DSN1: variants seen among roughly 807,000 people sequenced by gnomAD.
The protein encoded by DSN1 is kinetochore-associated protein DSN1 homolog.
DSN1 carries 31 observed loss-of-function variants against 45.7 expected under a neutral mutation model. The ratio of observed to expected loss-of-function variants is 0.68; its 90% CI spans 0.51 to 0.92. The LOEUF is 0.92. Among genes scored for constraint, DSN1 ranks in the 40% least tolerant of loss-of-function variants. DSN1 has a pLI of 0.00. For missense variants in DSN1, 394 were observed against 414.2 expected (o/e 0.95, Z 0.42); for synonymous variants, 134 against 142.3 (o/e 0.94, Z 0.41).
chr20:36,761,626 T>G (rs1986986865), intron 6 of DSN1, among the ~76,000 whole-genome samples: 1 of 152,066 alleles, frequency 6.6e-6, no homozygotes, highest in South Asian at 2.1e-4. Context: ...TTTGGGAGGC[T>G]GAGGCAGGCA....
chr20:36,754,705 C>T, intron 10 of DSN1, 58 bp downstream of exon 10: 2 of 1,486,374 alleles, frequency 1.3e-6, no homozygotes, highest in Non-Finnish European at 1.9e-6. Flanking sequence ...CAGTTTGTAT[C>T]CCAAAGGCTA....
In DSN1 at chr20:36,771,182, C is replaced by T. The variant is rs1393111962; in HGVS notation, c.46G>A (p.Val16Met). Residue 16 changes from valine (V) to methionine (M), a missense_variant, in exon 3 of 11, where the codon GTG (valine) becomes ATG (methionine). Coordinates refer to ENST00000373750, the MANE Select transcript of DSN1 (RefSeq NM_001145315.2). ...RSEIIDEKGP[V>M]MSKTHDHQLE... ...TGATGATCATGAGTCTTAGACATCA[C>T]TGGTCCTTTTTCTAGTATTTGTTAT... is the stretch of plus-strand genomic sequence containing the variant. 1 of 1,597,056 alleles carries T rather than the reference C, an allele frequency of 6.3e-7. No individual in the cohort carries two copies. The highest frequency in any genetic ancestry group is 1.1e-5 in the South Asian group (1 of 88,586).
At position 36,771,435 on chromosome 20, in the gene DSN1, C is replaced by T; in HGVS notation, c.24G>A (p.Glu8=). Residue 8 remains glutamate, a synonymous_variant, in exon 2 of 11, where the codon GAG becomes GAA. Coordinates refer to ENST00000373750, the MANE Select transcript of DSN1 (RefSeq NM_001145315.2). ...CACTACAATACTTACCATCTATGAT[C>T]TCTGATCTAGTCACTGAAGTCATCC... MTSVTRS[E]IIDEKGPVMS... is the part of the protein sequence containing the mutation. 1 of 1,613,900 alleles carries T rather than the reference C, an allele frequency of 6.2e-7. No individual in the cohort carries two copies. Among genetic ancestry groups the T allele is most frequent in the Non-Finnish European group, 8.5e-7 (1 of 1,179,796 alleles).
chr20:36,771,610 A>G (rs1185964084), intron 1 of DSN1, 137 bp from the exon 2 acceptor site: 2 of 683,702 alleles, frequency 2.9e-6, no homozygotes, highest in Non-Finnish European at 5.0e-6. Flanking sequence ...CTGACAGAGA[A>G]TATCAGCAGG....
At chr20:36,773,595 G>A in intron 1 of DSN1, 67 bp downstream of exon 1, 1 of 985,688 alleles carries the variant, frequency 1.0e-6, no homozygotes, top group Non-Finnish European at 1.2e-6. Flanking sequence ...GTGCGGCGGC[G>A]GGCGGGGCCA....
At chr20:36,753,392 CTT>C (rs1986482170) in intron 10 of DSN1, among the ~76,000 whole-genome samples, 1 of 149,856 alleles carries the variant, frequency 6.7e-6, no homozygotes, top group Non-Finnish European at 1.5e-5. Flanking sequence ...AATCCCAACA[CTT>C]TGGAAAGCCA....
In DSN1 at chr20:36,771,073, C is replaced by A. The variant is rs938151083; in HGVS notation, c.155G>T (p.Arg52Ile). Residue 52 changes from arginine (R) to isoleucine (I), a missense_variant, in exon 3 of 11, where the codon AGA (arginine) becomes ATA (isoleucine). Physicochemically the swap from Arg to Ile is moderately conservative, Grantham distance 97. Coordinates refer to ENST00000373750, the MANE Select transcript of DSN1 (RefSeq NM_001145315.2). The stretch of plus-strand genomic sequence containing the variant: ...TTTAGGGCTAGAGCCAAGGTGAATT[C>A]TTTCCTCTGAAACGCCTTGATTCAT... ...LEMNQGVSEE[R>I]IHLGSSPKKG... 1 of 1,614,182 alleles carries A rather than the reference C, an allele frequency of 6.2e-7. No individual in the cohort carries two copies. Among genetic ancestry groups the A allele is most frequent in the Non-Finnish European group, 8.5e-7 (1 of 1,180,030 alleles).
intron 8 of DSN1, 97 bp downstream of exon 8, chr20:36,757,990 A>G: frequency 8.6e-7 from 1 of 1,167,472 alleles, no homozygotes; most frequent in Non-Finnish European, 1.2e-6. Flanking sequence ...GCCCGTGAGA[A>G]AGGATTCATC....
At position 36,769,496 on chromosome 20, in the gene DSN1, A is replaced by G. The variant is rs560631428; in HGVS notation, c.355+1377T>C. Reference sequence around the variant, plus strand: ...GGATGCACTGATGTTTTCTCAGCACATTTAGGGACTAAAGTACATGGGCCT... The same window carrying G: ...GGATGCACTGATGTTTTCTCAGCACGTTTAGGGACTAAAGTACATGGGCCT... On this transcript the variant is annotated intron_variant, in intron 3 of 10. Transcript: ENST00000373750. Among the ~76,000 whole-genome samples, 17 of 152,330 alleles carry G rather than the reference A, an allele frequency of 1.1e-4. No individual in the cohort carries two copies. In the East Asian group the frequency reaches 3.3e-3, roughly 29 times the overall value.
chr20:36,755,936 A>G (rs1238099343), intron 8 of DSN1, 107 bp from the exon 9 acceptor site: 2 of 1,280,522 alleles, frequency 1.6e-6, no homozygotes, highest in African/African-American at 1.5e-5. Flanking sequence ...ACTCTACGCT[A>G]GCTATAGGCT....
intron 5 of DSN1, among the ~76,000 whole-genome samples, chr20:36,765,422 G>A (rs1987267233): frequency 6.6e-6 from 1 of 152,062 alleles, no homozygotes; most frequent in East Asian, 1.9e-4. Flanking sequence ...CGGCGTGGTG[G>A]CACATGCCTG....
chr20:36,752,982 C>T lies in DSN1; in HGVS notation c.962-85G>A. The T allele has an allele frequency of 2.8e-6, 3 of 1,077,880 alleles. 1 individual carries two copies. The Middle Eastern group carries it at 6.2e-4, about 223-fold the overall frequency. 66.8% of individuals were successfully genotyped at this position (1,077,880 alleles called of 1,614,324 possible). A position where few individuals can be genotyped will look rare whatever the true frequency, so the allele number is the denominator to read the frequency against. On this transcript the variant is annotated intron_variant, in intron 10 of 10. Coordinates refer to ENST00000373750, the MANE Select transcript of DSN1 (RefSeq NM_001145315.2). ...AACTTAATGTAGGGACATTGTGACA[C>T]ACATGGAAGGGCATTACAAAGACAA...
intron 8 of DSN1, among the ~76,000 whole-genome samples, chr20:36,757,256 T>C (rs1986722629): frequency 1.3e-5 from 2 of 152,022 alleles, no homozygotes; most frequent in Non-Finnish European, 2.9e-5. Flanking sequence ...CTCGGGAGGC[T>C]GAGGCAGGAG....
chr20:36,771,403 T>C, intron 2 of DSN1, 22 bp downstream of exon 2: 1 of 1,611,648 alleles, frequency 6.2e-7, no homozygotes, highest in African/African-American at 1.3e-5. Context: ...TAAGAGGTAC[T>C]GAATTTCACT....
chr20:36,753,640 AAAAAAAAAAAAAAG>A (rs1029870752), intron 10 of DSN1, among the ~76,000 whole-genome samples: 4 of 150,416 alleles, frequency 2.7e-5, no homozygotes, highest in African/African-American at 9.7e-5. Context: ...TGTCTCAAAA[AAAAAAAAAAAAAAG>A]AAAAAGAAAG....
intron 10 of DSN1, among the ~76,000 whole-genome samples, chr20:36,753,177 C>T (rs13433314): frequency 1.4e-5 from 2 of 142,582 alleles, no homozygotes; most frequent in Non-Finnish European, 3.0e-5. Context: ...GACCTTGTCT[C>T]TACAAAAAAA....
intron 5 of DSN1, among the ~76,000 whole-genome samples, chr20:36,763,989 G>A (rs1314858557): frequency 6.6e-6 from 1 of 151,616 alleles, no homozygotes; most frequent in Non-Finnish European, 1.5e-5. Flanking sequence ...TGAGGTGAGA[G>A]TTTCACTTGA....
chr20:36,770,787 G>T, intron 3 of DSN1, 86 bp downstream of exon 3: 1 of 1,437,358 alleles, frequency 7.0e-7, no homozygotes, highest in Non-Finnish European at 9.3e-7. Context: ...CACACTTTCT[G>T]CCATACCTCA....
chr20:36,754,659 T>C (rs77802176), intron 10 of DSN1, 104 bp downstream of exon 10: 19,052 of 833,486 alleles, frequency 0.023, 290 homozygotes, highest in Non-Finnish European at 0.028. Context: ...TCACCTCATA[T>C]AGGTCTTACC....
Sources: gnomAD v4.1 joint callset for allele counts (sites outside exome capture counted in the v4.1 genomes callset) on GRCh38, gnomAD v4.1.1 for gene constraint, MANE v1.5 for transcripts, NCBI Gene and HGNC (gene_info 2026-07-23, HGNC 2026-07-21) for gene names.